The following ABCC4 variants were observed in gnomAD, a reference collection of about 807,000 sequenced individuals.
ABCC4 encodes the protein ATP-binding cassette sub-family C member 4.
In ABCC4, 102 loss-of-function variants were observed where a neutral mutation model predicts 168.5. That is an observed-to-expected ratio of 0.61 (90% CI 0.52 to 0.71). The LOEUF is 0.71. Among genes scored for constraint, ABCC4 ranks in the 30% least tolerant of loss-of-function variants. The pLI is 0.00. For synonymous variants in ABCC4, 617 were observed against 590.7 expected (o/e 1.04, Z -0.65); for missense variants, 1,402 against 1,605.8 (o/e 0.87, Z 2.17).
intron 1 of ABCC4, among the ~76,000 whole-genome samples, chr13:95,262,081 G>A (rs753458787): frequency 2.0e-5 from 3 of 152,228 alleles, no homozygotes; most frequent in Non-Finnish European, 4.4e-5. Context: ...TAGGTTGGGA[G>A]GCCAGCCTAG....
chr13:95,020,208 C>T lies in ABCC4; in HGVS notation c.*1367G>A, dbSNP rs2139184804. 1 of 152,286 alleles carries T rather than the reference C, an allele frequency of 6.6e-6. No homozygotes were observed. The allele number at this position is 152,286 out of a possible 1,614,324, so 9.4% of individuals were successfully genotyped here. A position where few individuals can be genotyped will look rare whatever the true frequency, so the allele number is the denominator to read the frequency against. ...GCTTCACTCAATAAAACATCTGTTG[C>T]TCTCTGCTGATGAGCAAAAAACTTG... On this transcript the variant is annotated 3_prime_UTR_variant, in exon 31 of 31. Transcript: ENST00000645237.
At chr13:95,118,594 T>C (rs1031275226) in intron 19 of ABCC4, among the ~76,000 whole-genome samples, 8 of 152,318 alleles carry the variant, frequency 5.3e-5, no homozygotes, top group Admixed American at 3.3e-4. Flanking sequence ...AGAGCTGTGA[T>C]GTCAAGTTCA....
At chr13:95,240,528 C>G (rs548299580) in intron 3 of ABCC4, among the ~76,000 whole-genome samples, 61 of 100,682 alleles carry the variant, frequency 6.1e-4, no homozygotes, top group African/African-American at 2.5e-3. Context: ...AACTCCATCT[C>G]AAAACACACA....
At chr13:95,128,494 G>A (rs189091531) in intron 19 of ABCC4, among the ~76,000 whole-genome samples, 1 of 152,300 alleles carries the variant, frequency 6.6e-6, no homozygotes, top group East Asian at 1.9e-4. Context: ...TGCACAGGGC[G>A]TCTGCAAGTC....
At chr13:95,047,705 G>A (rs2032649805) in intron 27 of ABCC4, among the ~76,000 whole-genome samples, 1 of 151,834 alleles carries the variant, frequency 6.6e-6, no homozygotes. Context: ...GGATGGTCTC[G>A]ATCTCCTGAC....
At chr13:95,159,185 G>T (rs2037002791) in intron 19 of ABCC4, among the ~76,000 whole-genome samples, 2 of 141,090 alleles carry the variant, frequency 1.4e-5, no homozygotes, top group Non-Finnish European at 3.0e-5. Flanking sequence ...GTAATTCACA[G>T]ATTTTGTGTA....
At chr13:95,270,544 C>CTT (rs2040822126) in intron 1 of ABCC4, among the ~76,000 whole-genome samples, 1 of 152,088 alleles carries the variant, frequency 6.6e-6, no homozygotes, top group Non-Finnish European at 1.5e-5. Context: ...TTGGTGAGAC[C>CTT]CTGTGGCACA....
At chr13:95,235,549 A>G (rs1375327154) in intron 3 of ABCC4, among the ~76,000 whole-genome samples, 4 of 152,192 alleles carry the variant, frequency 2.6e-5, no homozygotes, top group Admixed American at 1.3e-4. Context: ...AGGCTCGTCT[A>G]TGGGAGGCCA....
chr13:95,289,872 G>T (rs1054180698), intron 1 of ABCC4, among the ~76,000 whole-genome samples: 1 of 152,070 alleles, frequency 6.6e-6, no homozygotes. Context: ...CAAGGCTGAC[G>T]GATCACCTGA....
chr13:95,127,703 T>A (rs573173921), intron 19 of ABCC4, among the ~76,000 whole-genome samples: 5 of 152,154 alleles, frequency 3.3e-5, no homozygotes, highest in Non-Finnish European at 5.9e-5. Context: ...TCAGTGGTGA[T>A]CTCATGCCCT....
At chr13:95,121,431 G>GTTT (rs567192252) in intron 19 of ABCC4, among the ~76,000 whole-genome samples, 1 of 138,512 alleles carries the variant, frequency 7.2e-6, no homozygotes, top group Non-Finnish European at 1.6e-5. Flanking sequence ...GTTTTTTTTT[G>GTTT]TTTTTTTTTT....
chr13:95,102,273 T>C (rs1363262582), intron 20 of ABCC4, among the ~76,000 whole-genome samples: 2 of 152,034 alleles, frequency 1.3e-5, no homozygotes, highest in African/African-American at 2.4e-5. Context: ...GCCTCCAGAG[T>C]AGCTGGGACT....
At chr13:95,237,762 A>G (rs971568316) in intron 3 of ABCC4, among the ~76,000 whole-genome samples, 1 of 152,114 alleles carries the variant, frequency 6.6e-6, no homozygotes, top group African/African-American at 2.4e-5. Context: ...TTCCTTGCCC[A>G]ACTGCACCAT....
intron 1 of ABCC4, among the ~76,000 whole-genome samples, chr13:95,270,137 CA>C (rs1566587003): frequency 6.6e-6 from 1 of 152,014 alleles, no homozygotes; most frequent in Non-Finnish European, 1.5e-5. Flanking sequence ...ATTTGATAGG[CA>C]TTAGGTTTTC....
intron 30 of ABCC4, among the ~76,000 whole-genome samples, chr13:95,030,121 A>T (rs531485927): frequency 1.3e-5 from 2 of 152,178 alleles, no homozygotes; most frequent in East Asian, 3.9e-4. Flanking sequence ...CCTGGGTTCA[A>T]GTGATTCTCC....
chr13:95,255,272 T>C (rs2040365079), intron 1 of ABCC4, among the ~76,000 whole-genome samples: 1 of 152,198 alleles, frequency 6.6e-6, no homozygotes, highest in Admixed American at 6.5e-5. Flanking sequence ...CCTGAATGCC[T>C]AAAAGAAAAC....
intron 3 of ABCC4, 91 bp from the exon 4 acceptor site, chr13:95,234,925 C>T (rs1233283262): frequency 4.2e-6 from 4 of 945,518 alleles, no homozygotes; most frequent in Non-Finnish European, 6.2e-6. Context: ...ATTGCTTGCT[C>T]TGTCACCCAT....
chr13:95,112,914 T>G (rs981920183), intron 20 of ABCC4, among the ~76,000 whole-genome samples: 2 of 152,200 alleles, frequency 1.3e-5, no homozygotes, highest in Admixed American at 6.5e-5. Context: ...AAGCATGTTT[T>G]GCTAAGGATG....
intron 4 of ABCC4, among the ~76,000 whole-genome samples, chr13:95,213,379 G>A (rs1480935419): frequency 6.6e-6 from 1 of 152,236 alleles, no homozygotes; most frequent in Non-Finnish European, 1.5e-5. Flanking sequence ...CAGTTTCACT[G>A]AGCGGTGGAG....
Sources: allele counts gnomAD v4.1 joint callset (sites outside exome capture counted in the v4.1 genomes callset), GRCh38; gene constraint gnomAD v4.1.1; transcripts MANE v1.5; gene names NCBI Gene and HGNC (gene_info 2026-07-23, HGNC 2026-07-21).